The following KIAA1328 variants were observed in gnomAD, a reference collection of about 807,000 sequenced individuals.
KIAA1328 encodes protein hinderin.
In KIAA1328, 52 loss-of-function variants were observed where a neutral mutation model predicts 68.1. That is an observed-to-expected ratio of 0.76 (90% CI 0.61 to 0.96). KIAA1328 has a LOEUF of 0.96. Ranked by LOEUF, KIAA1328 falls within the 40% of genes least tolerant of loss-of-function variation. The probability of loss-of-function intolerance (pLI) is 0.00; values close to 1 mark genes in which losing one functional copy is unlikely to be tolerated. For missense variants in KIAA1328, 641 were observed against 677.6 expected (o/e 0.95, Z 0.60); for synonymous variants, 232 against 239.4 (o/e 0.97, Z 0.28).
At chr18:37,211,169 C>G (rs1475972413) in intron 9 of KIAA1328, among the ~76,000 whole-genome samples, 1 of 152,114 alleles carries the variant, frequency 6.6e-6, no homozygotes. Context: ...TTTGCTTTTG[C>G]TTTAGTGTCA....
At chr18:36,852,774 T>A (rs1036136881) in intron 4 of KIAA1328, among the ~76,000 whole-genome samples, 1 of 152,218 alleles carries the variant, frequency 6.6e-6, no homozygotes, top group South Asian at 2.1e-4. Flanking sequence ...CAGTAGTAAC[T>A]GCTGTAATGG....
chr18:37,024,013 A>G lies in KIAA1328; in HGVS notation c.577-42877A>G, dbSNP rs142653344. Reference sequence around the variant, plus strand: ...TCTATTATTCCCTTCTTTTTTGTGTATGTGACAAAGTCTTGGTCTGATGCC... The same window carrying G: ...TCTATTATTCCCTTCTTTTTTGTGTGTGTGACAAAGTCTTGGTCTGATGCC... On this transcript the variant is annotated intron_variant, in intron 6 of 9. Coordinates refer to ENST00000280020, the MANE Select transcript of KIAA1328 (RefSeq NM_020776.3). Among the ~76,000 whole-genome samples, 1,215 of 151,928 alleles carry G rather than the reference A, an allele frequency of 8.0e-3. 14 individuals are homozygous for G. The highest frequency in any genetic ancestry group is 0.014 in the Non-Finnish European group (924 of 67,974).
intron 4 of KIAA1328, among the ~76,000 whole-genome samples, chr18:36,847,140 C>T (rs142260061): frequency 4.8e-4 from 72 of 151,292 alleles, no homozygotes; most frequent in African/African-American, 1.7e-3. Flanking sequence ...CATCATAGGC[C>T]CATACTTCAA....
intron 7 of KIAA1328, among the ~76,000 whole-genome samples, chr18:37,128,226 T>C (rs1057376900): frequency 2.6e-5 from 4 of 152,174 alleles, no homozygotes; most frequent in Non-Finnish European, 4.4e-5. Flanking sequence ...TCCAGCACTT[T>C]GGGAGGCCAA....
intron 5 of KIAA1328, among the ~76,000 whole-genome samples, chr18:36,949,453 A>G (rs976655784): frequency 2.0e-5 from 3 of 152,130 alleles, no homozygotes; most frequent in African/African-American, 7.2e-5. Flanking sequence ...TTAAACATTT[A>G]AATAAGTGTC....
chr18:36,972,257 A>G (rs190964696), intron 6 of KIAA1328, among the ~76,000 whole-genome samples: 1 of 152,350 alleles, frequency 6.6e-6, no homozygotes, highest in African/African-American at 2.4e-5. Flanking sequence ...CCATGCACAA[A>G]AATTAAGCTA....
intron 5 of KIAA1328, among the ~76,000 whole-genome samples, chr18:36,947,751 A>G (rs1405095084): frequency 1.3e-5 from 2 of 152,228 alleles, no homozygotes; most frequent in East Asian, 3.8e-4. Flanking sequence ...AACATAATGT[A>G]GATTTTCCCC....
At chr18:37,219,376 G>A (rs774465941) in intron 9 of KIAA1328, among the ~76,000 whole-genome samples, 10 of 152,222 alleles carry the variant, frequency 6.6e-5, no homozygotes, top group Non-Finnish European at 1.3e-4. Context: ...TGTCAGGGAT[G>A]TTTAAGTCTG....
intron 6 of KIAA1328, among the ~76,000 whole-genome samples, chr18:36,991,050 C>G (rs1391239156): frequency 6.6e-6 from 1 of 151,950 alleles, no homozygotes; most frequent in Non-Finnish European, 1.5e-5. Context: ...TTTATTGGTC[C>G]TTAATTTATT....
At chr18:37,085,971 A>G (rs925944451) in intron 7 of KIAA1328, among the ~76,000 whole-genome samples, 1 of 152,178 alleles carries the variant, frequency 6.6e-6, no homozygotes, top group African/African-American at 2.4e-5. Flanking sequence ...AATTTTGTAT[A>G]ATTATTTTCT....
chr18:36,840,863 GA>G (rs2046837407), intron 3 of KIAA1328, among the ~76,000 whole-genome samples: 1 of 152,110 alleles, frequency 6.6e-6, no homozygotes, highest in Non-Finnish European at 1.5e-5. Context: ...CTGGGAAGCA[GA>G]CCGCGAGATG....
At chr18:36,981,874 T>G (rs1190587494) in intron 6 of KIAA1328, among the ~76,000 whole-genome samples, 1 of 151,364 alleles carries the variant, frequency 6.6e-6, no homozygotes, top group Admixed American at 6.6e-5. Flanking sequence ...ATTATAGGCA[T>G]GAGCCACCAC....
At chr18:36,888,999 G>C (rs1170828483) in intron 5 of KIAA1328, among the ~76,000 whole-genome samples, 1 of 152,074 alleles carries the variant, frequency 6.6e-6, no homozygotes, top group African/African-American at 2.4e-5. Context: ...TGAGTAACTT[G>C]ATTTATTGAT....
intron 7 of KIAA1328, among the ~76,000 whole-genome samples, chr18:37,148,002 A>G (rs543493368): frequency 3.9e-5 from 6 of 152,116 alleles, no homozygotes; most frequent in Admixed American, 3.9e-4. Flanking sequence ...TTTAAGTTCT[A>G]GGGTAGATGT....
chr18:37,012,175 G>A (rs988167360), intron 6 of KIAA1328, among the ~76,000 whole-genome samples: 3 of 152,148 alleles, frequency 2.0e-5, no homozygotes, highest in Admixed American at 6.5e-5. Context: ...TACTAAGACA[G>A]TAATTCTCTG....
chr18:37,173,086 G>C lies in KIAA1328; in HGVS notation c.1523+5G>C. On this transcript the variant is annotated splice_donor_5th_base_variant and intron_variant, in intron 9 of 9. Coordinates refer to ENST00000280020, the MANE Select transcript of KIAA1328 (RefSeq NM_020776.3). The stretch of plus-strand genomic sequence containing the variant: ...ATTACAGCACACCACCTCCCGGTAA[G>C]CTTCAGAGATTCTTTAGTTTTTAAT... 6.3e-7 allele frequency: 1 copy of C among 1,596,192 alleles called. No homozygotes were observed. Among genetic ancestry groups the C allele is most frequent in the Non-Finnish European group, 8.6e-7 (1 of 1,168,062 alleles).
intron 6 of KIAA1328, among the ~76,000 whole-genome samples, chr18:36,980,936 G>A (rs1236883528): frequency 2.0e-5 from 3 of 152,170 alleles, no homozygotes; most frequent in Non-Finnish European, 4.4e-5. Flanking sequence ...GGAACTGTGA[G>A]TCCATTTAAA....
intron 6 of KIAA1328, among the ~76,000 whole-genome samples, chr18:37,007,704 C>T (rs2053832493): frequency 6.6e-6 from 1 of 152,028 alleles, no homozygotes; most frequent in Non-Finnish European, 1.5e-5. Context: ...TAAATGAAGC[C>T]ACCAAAAGGC....
At chr18:37,196,573 C>T (rs563164563) in intron 9 of KIAA1328, among the ~76,000 whole-genome samples, 4 of 152,028 alleles carry the variant, frequency 2.6e-5, no homozygotes, top group Non-Finnish European at 2.9e-5. Context: ...ATTCTGTTGA[C>T]GTGATATATC....
Sources: gnomAD v4.1 joint callset for allele counts (sites outside exome capture counted in the v4.1 genomes callset) on GRCh38, gnomAD v4.1.1 for gene constraint, MANE v1.5 for transcripts, NCBI Gene and HGNC (gene_info 2026-07-23, HGNC 2026-07-21) for gene names.